ABCC2: variants seen among roughly 807,000 people sequenced by gnomAD.
ABCC2 encodes the protein ATP-binding cassette sub-family C member 2.
In ABCC2, 157 loss-of-function variants were observed where a neutral mutation model predicts 173.4. That is an observed-to-expected ratio of 0.91 (90% CI 0.80 to 1.03). ABCC2 has a LOEUF of 1.03. Ranked by LOEUF, ABCC2 falls within the 50% of genes least tolerant of loss-of-function variation. The pLI is 0.00. For synonymous variants in ABCC2, 657 were observed against 693.5 expected, an observed-to-expected ratio of 0.95 and a Z score of 0.83; for missense variants, 1,822 against 1,852.3, an observed-to-expected ratio of 0.98 and a Z score of 0.30.
intron 8 of ABCC2, 44 bp downstream of exon 8, chr10:99,799,414 CCA>C (rs1391723031): frequency 1.2e-6 from 2 of 1,607,106 alleles, no homozygotes; most frequent in East Asian, 4.5e-5. Flanking sequence ...GCCTCCTCTG[CCA>C]CCCTCCTTTT....
chr10:99,831,618 T>A lies in ABCC2; in HGVS notation c.2891T>A (p.Phe964Tyr). ...GAGGTGGGGACTTTGCAGGTGAAGT[T>A]CTCCATCTACCTGGAGTACCTACAA... ...KEFIETGKVKFSIYLEYLQAI... is the reference protein window; with the variant it reads ...KEFIETGKVKYSIYLEYLQAI... Residue 964 changes from phenylalanine (F) to tyrosine (Y), a missense_variant, in exon 22 of 32, where the codon TTC (phenylalanine) becomes TAC (tyrosine). Physicochemically the swap from Phe to Tyr is conservative, Grantham distance 22 (BLOSUM62 3). Transcript: ENST00000647814. 6.2e-7 allele frequency: 1 copy of A among 1,613,964 alleles called. No homozygotes were observed. Among genetic ancestry groups the A allele is most frequent in the South Asian group, 1.1e-5 (1 of 91,082 alleles).
chr10:99,823,081 G>A (rs574982139), intron 19 of ABCC2, among the ~76,000 whole-genome samples: 178 of 152,204 alleles, frequency 1.2e-3, no homozygotes, highest in Non-Finnish European at 2.1e-3. Flanking sequence ...CCAAATGAAG[G>A]TACATGCGTG....
intron 19 of ABCC2, among the ~76,000 whole-genome samples, chr10:99,825,328 T>A (rs12258415): frequency 0.61 from 87,538 of 143,384 alleles, 25,275 homozygotes; most frequent in East Asian, 0.73. Context: ...TGCCGACAAA[T>A]CCTGTAACAG....
At chr10:99,785,372 G>A (rs1590134666) in intron 2 of ABCC2, among the ~76,000 whole-genome samples, 1 of 152,174 alleles carries the variant, frequency 6.6e-6, no homozygotes, top group African/African-American at 2.4e-5. Flanking sequence ...GGGCCAGGAG[G>A]GGAGGAGCCC....
chr10:99,800,388 T>G lies in ABCC2; in HGVS notation c.1034T>G (p.Leu345Trp), dbSNP rs751209236. 10 of 1,614,068 alleles carry G rather than the reference T, an allele frequency of 6.2e-6. No individual in the cohort carries two copies. The African/African-American group carries it at 1.3e-4, about 22-fold the overall frequency. ...FTFVSPQLLK[L>W]LISFASDRDT... Reference sequence around the variant, plus strand: ...CTAACTTGGCTTTTCTCTGGCAGATTGCTGATCTCCTTTGCAAGTGACCGT... The same window carrying G: ...CTAACTTGGCTTTTCTCTGGCAGATGGCTGATCTCCTTTGCAAGTGACCGT... Residue 345 changes from leucine to tryptophan, a missense_variant and splice_region_variant, in exon 9 of 32, where the codon TTG becomes TGG. By Grantham distance (61) the Leu-to-Trp change is moderately conservative (BLOSUM62 -2). Coordinates refer to ENST00000647814, the MANE Select transcript of ABCC2 (RefSeq NM_000392.5).
chr10:99,819,922 G>A (rs1375294422), intron 19 of ABCC2, among the ~76,000 whole-genome samples: 1 of 152,206 alleles, frequency 6.6e-6, no homozygotes, highest in African/African-American at 2.4e-5. Flanking sequence ...GCAGTCCTGT[G>A]CATTGGTCTG....
Position 99,800,508 on chromosome 10 carries a change from G to A in ABCC2, c.1154G>A (p.Cys385Tyr). 2 of 1,614,140 alleles carry A rather than the reference G, an allele frequency of 1.2e-6. No individual in the cohort carries two copies. The highest frequency in any genetic ancestry group is 1.7e-6 in the Non-Finnish European group (2 of 1,180,030). Residue 385 changes from cysteine (C) to tyrosine (Y), a missense_variant, in exon 9 of 32, where the codon TGC (cysteine) becomes TAC (tyrosine). By Grantham distance (194) the Cys-to-Tyr change is radical (BLOSUM62 -2). Coordinates refer to ENST00000647814, the MANE Select transcript of ABCC2 (RefSeq NM_000392.5). ...TGCCTTCAGTGTTATTTCCAACTGTGCTTCAAGCTGGGTGTAAAAGTACGG... is the reference window on the plus strand; with the variant it reads ...TGCCTTCAGTGTTATTTCCAACTGTACTTCAAGCTGGGTGTAAAAGTACGG... ...SFCLQCYFQL[C>Y]FKLGVKVRTA...
chr10:99,784,500 G>A (rs2037671508), intron 1 of ABCC2, 108 bp from the exon 2 acceptor site: 6 of 1,162,606 alleles, frequency 5.2e-6, no homozygotes, highest in Non-Finnish European at 7.8e-6. Context: ...GGCTGGATAT[G>A]GATATGGAGT....
At chr10:99,821,944 C>T (rs1207123749) in intron 19 of ABCC2, among the ~76,000 whole-genome samples, 2 of 151,920 alleles carry the variant, frequency 1.3e-5, no homozygotes, top group Non-Finnish European at 2.9e-5. Flanking sequence ...TTCTACCAAC[C>T]AATTTTGGAC....
intron 19 of ABCC2, among the ~76,000 whole-genome samples, chr10:99,822,230 C>A (rs9633711): frequency 0.28 from 42,264 of 152,054 alleles, 6,083 homozygotes; most frequent in East Asian, 0.38. Flanking sequence ...ACCGTTGATA[C>A]AATCATCAAG....
intron 30 of ABCC2, among the ~76,000 whole-genome samples, chr10:99,847,459 T>G (rs72838134): frequency 0.088 from 13,270 of 151,626 alleles, 835 homozygotes; most frequent in Middle Eastern, 0.18. Context: ...AAAAGTAGCC[T>G]AGCATGGTTG....
intron 6 of ABCC2, 34 bp from the exon 7 acceptor site, chr10:99,797,063 G>A (rs1303417095): frequency 1.3e-6 from 2 of 1,597,140 alleles, no homozygotes; most frequent in South Asian, 2.2e-5. Context: ...GACCCAGCCT[G>A]GGGGTCTCAG....
intron 19 of ABCC2, among the ~76,000 whole-genome samples, chr10:99,821,438 T>G (rs1332209066): frequency 6.6e-6 from 1 of 152,090 alleles, no homozygotes; most frequent in Non-Finnish European, 1.5e-5. Flanking sequence ...CGAGGCCATA[T>G]TTCAGACTAT....
At chr10:99,835,449 T>G (rs2133122840) in intron 24 of ABCC2, among the ~76,000 whole-genome samples, 1 of 152,100 alleles carries the variant, frequency 6.6e-6, no homozygotes, top group South Asian at 2.1e-4. Context: ...CCTCACAGAA[T>G]CTAGTAGCAG....
intron 5 of ABCC2, 81 bp downstream of exon 5, chr10:99,794,080 C>G (rs941315228): frequency 3.6e-5 from 49 of 1,347,608 alleles, no homozygotes; most frequent in Non-Finnish European, 5.1e-5. Context: ...ATGTCTGGGT[C>G]TCACGGAGGC....
intron 10 of ABCC2, among the ~76,000 whole-genome samples, 176 bp from the exon 11 acceptor site, chr10:99,805,206 G>A (rs181567738): frequency 2.0e-5 from 3 of 152,254 alleles, no homozygotes; most frequent in Admixed American, 6.5e-5. Flanking sequence ...AGATGGGTGC[G>A]GCAGGAGCAG....
chr10:99,809,945 C>T (rs2038180549), intron 13 of ABCC2, among the ~76,000 whole-genome samples, 189 bp from the exon 14 acceptor site: 1 of 152,216 alleles, frequency 6.6e-6, no homozygotes, highest in African/African-American at 2.4e-5. Flanking sequence ...TGAGTTTGCT[C>T]AAGGACTGAA....
At chr10:99,816,959 A>G (rs1202739846) in intron 16 of ABCC2, among the ~76,000 whole-genome samples, 6 of 152,154 alleles carry the variant, frequency 3.9e-5, no homozygotes, top group Non-Finnish European at 8.8e-5. Flanking sequence ...GATCTATACC[A>G]TTCCCTTGTC....
intron 28 of ABCC2, among the ~76,000 whole-genome samples, chr10:99,845,275 T>C (rs1274595898): frequency 4.6e-5 from 7 of 152,146 alleles, no homozygotes; most frequent in Non-Finnish European, 5.9e-5. Context: ...TCAGGTGATC[T>C]GCCTGCCTTG....
Sources: allele counts gnomAD v4.1 joint callset (sites outside exome capture counted in the v4.1 genomes callset), GRCh38; gene constraint gnomAD v4.1.1; transcripts MANE v1.5; gene names NCBI Gene and HGNC (gene_info 2026-07-23, HGNC 2026-07-21).